The following PKHD1 variants were observed in gnomAD, a reference collection of about 807,000 sequenced individuals.
PKHD1 encodes fibrocystin.
Under a neutral mutation model 412.0 loss-of-function variants are expected in PKHD1, and 291 were observed. That is an observed-to-expected ratio of 0.71 (90% CI 0.64 to 0.78). The LOEUF (loss-of-function observed/expected upper bound fraction) is 0.78. PKHD1 is among the 30% of genes least tolerant of loss of function. PKHD1 has a pLI of 0.00. For missense variants in PKHD1, 4,825 were observed against 4,950.7 expected, an observed-to-expected ratio of 0.97 and a Z score of 0.76; for synonymous variants, 1,777 against 1,821.5, an observed-to-expected ratio of 0.98 and a Z score of 0.62.
intron 6 of PKHD1, 124 bp from the exon 7 acceptor site, chr6:52,073,665 T>C (rs1020925636): frequency 2.9e-6 from 2 of 685,776 alleles, no homozygotes; most frequent in Non-Finnish European, 5.3e-6. Context: ...CCCAGAAAAT[T>C]AATACTTTTA....
chr6:51,887,236 C>T lies in PKHD1; in HGVS notation c.7006G>A (p.Val2336Met). The stretch of plus-strand genomic sequence containing the variant: ...AAGTAGCCATAGCCAGCACCACACA[C>T]TCTGTTCCCCTACAGAAATTAAGAA... ...SPTNVIEGNR[V>M]CGAGYGYFFH... Residue 2336 changes from valine (V) to methionine (M), a missense_variant, in exon 44 of 67, where the codon GTG (valine) becomes ATG (methionine). Coordinates refer to ENST00000371117, the MANE Select transcript of PKHD1 (RefSeq NM_138694.4). 6.2e-7 allele frequency: 1 copy of T among 1,600,410 alleles called. No individual in the cohort carries two copies. The highest frequency in any genetic ancestry group is 8.6e-7 in the Non-Finnish European group (1 of 1,167,536).
intron 60 of PKHD1, chr6:51,721,728 AC>A (rs1781948172): frequency 7.3e-7 from 1 of 1,363,096 alleles, no homozygotes; most frequent in African/African-American, 1.5e-5. Flanking sequence ...CACTGTTGAC[AC>A]CCTCTCCACA....
chr6:51,899,036 C>CA (rs1780710069), intron 43 of PKHD1, among the ~76,000 whole-genome samples: 1 of 152,146 alleles, frequency 6.6e-6, no homozygotes, highest in Non-Finnish European at 1.5e-5. Context: ...AGCTTACCAA[C>CA]CAAAAAGAGT....
chr6:51,724,523 G>T (rs1782322889), intron 60 of PKHD1, among the ~76,000 whole-genome samples: 1 of 152,086 alleles, frequency 6.6e-6, no homozygotes, highest in Non-Finnish European at 1.5e-5. Context: ...TCAGTAGACT[G>T]GAGCCTTCAG....
intron 60 of PKHD1, among the ~76,000 whole-genome samples, chr6:51,663,487 C>T (rs915830241): frequency 3.3e-5 from 5 of 152,082 alleles, no homozygotes; most frequent in African/African-American, 9.7e-5. Context: ...AATCACATGA[C>T]GTTAGTAGGC....
intron 33 of PKHD1, among the ~76,000 whole-genome samples, chr6:52,021,415 G>T (rs143045276): frequency 6.6e-6 from 1 of 152,110 alleles, no homozygotes; most frequent in Non-Finnish European, 1.5e-5. Context: ...ATTAATTTGA[G>T]CAGTGTATAT....
At chr6:51,964,408 C>T (rs1562002289) in intron 35 of PKHD1, among the ~76,000 whole-genome samples, 1 of 152,108 alleles carries the variant, frequency 6.6e-6, no homozygotes, top group East Asian at 1.9e-4. Context: ...CCTCAGCATC[C>T]AAATCCTGGA....
intron 53 of PKHD1, among the ~76,000 whole-genome samples, chr6:51,786,764 T>C (rs1025794364): frequency 6.6e-6 from 1 of 152,214 alleles, no homozygotes; most frequent in Non-Finnish European, 1.5e-5. Context: ...TTCAGGTTCA[T>C]GATTTCTGTT....
chr6:51,631,579 A>T (rs1375377451), intron 65 of PKHD1, among the ~76,000 whole-genome samples: 4 of 151,404 alleles, frequency 2.6e-5, no homozygotes, highest in African/African-American at 9.7e-5. Flanking sequence ...TTTAAACTTC[A>T]CTCTTGCTTT....
At position 51,772,683 on chromosome 6, in the gene PKHD1, A is replaced by C. The variant is rs1271940495; in HGVS notation, c.8642+19T>G. The C allele has an allele frequency of 3.8e-6, 5 of 1,326,998 alleles. No homozygotes were observed. The Admixed American group carries it at 8.6e-5, about 23-fold the overall frequency. The allele number at this position is 1,326,998 out of a possible 1,614,324, so 82.2% of individuals were successfully genotyped here. On this transcript the variant is annotated intron_variant, in intron 55 of 66. Transcript: ENST00000371117. Reference sequence around the variant, plus strand: ...AAACAACAACCAAGAAAAAGCCCTAAGTTACTCTCATTCCTTACCTCTCAT... The same window carrying C: ...AAACAACAACCAAGAAAAAGCCCTACGTTACTCTCATTCCTTACCTCTCAT...
rs77638522 is a variant in PKHD1 at position 52,048,439 on chromosome 6, T to C, written c.2407+53A>G. The C allele has an allele frequency of 2.1e-3, 3,271 of 1,568,332 alleles. 47 individuals carry two copies. The African/African-American group carries it at 0.036, about 17-fold the overall frequency. ...TCCCAGGATGTTGTTCCCTTGGGAATGTGAGTGAGAATATGTGAGTGAGAA... is the reference window on the plus strand; with the variant it reads ...TCCCAGGATGTTGTTCCCTTGGGAACGTGAGTGAGAATATGTGAGTGAGAA... On this transcript the variant is annotated intron_variant, in intron 23 of 66. Coordinates refer to ENST00000371117, the MANE Select transcript of PKHD1 (RefSeq NM_138694.4).
intron 54 of PKHD1, among the ~76,000 whole-genome samples, chr6:51,774,089 C>A (rs1160544941): frequency 1.3e-5 from 2 of 151,842 alleles, no homozygotes; most frequent in African/African-American, 4.8e-5. Context: ...TCAACCAAAG[C>A]ATTTATAACA....
intron 60 of PKHD1, among the ~76,000 whole-genome samples, chr6:51,691,231 T>C (rs1778117859): frequency 6.6e-6 from 1 of 152,140 alleles, no homozygotes. Flanking sequence ...GTCCAGCCAT[T>C]GTGGAAGACA....
At chr6:51,989,861 G>T (rs1796662191) in intron 35 of PKHD1, among the ~76,000 whole-genome samples, 1 of 86,190 alleles carries the variant, frequency 1.2e-5, no homozygotes, top group Non-Finnish European at 2.4e-5. Flanking sequence ...GGGATAGGGG[G>T]AGGGAGGAAA....
At chr6:51,935,145 C>T (rs893333147) in intron 36 of PKHD1, among the ~76,000 whole-genome samples, 54 of 152,146 alleles carry the variant, frequency 3.5e-4, no homozygotes, top group African/African-American at 1.3e-3. Context: ...TTACCCAATA[C>T]CTTCCCAATA....
chr6:51,869,171 T>G (rs1040069592), intron 47 of PKHD1, among the ~76,000 whole-genome samples: 1 of 152,154 alleles, frequency 6.6e-6, no homozygotes, highest in Non-Finnish European at 1.5e-5. Context: ...ACAAACCACC[T>G]GCAGCTCTAC....
chr6:51,908,418 A>G (rs374172759), intron 40 of PKHD1, among the ~76,000 whole-genome samples: 2 of 152,156 alleles, frequency 1.3e-5, no homozygotes, highest in Non-Finnish European at 2.9e-5. Flanking sequence ...CCTGGGGCAC[A>G]GCCTCTTTAA....
Position 51,829,061 on chromosome 6 carries a change from A to G in PKHD1, c.8302+1800T>C, listed in dbSNP as rs79423698. 1.2e-3 allele frequency among the ~76,000 whole-genome samples: 183 copies of G among 152,274 alleles called. 4 individuals are homozygous for G. The East Asian group carries it at 0.035, about 29-fold the overall frequency. ...TGAAGGCTAGAAATAATGAAAAATA[A>G]CTGTGTATGTTTTAAAATTCTTAAC... On this transcript the variant is annotated intron_variant, in intron 52 of 66. Transcript: ENST00000371117.
At chr6:51,816,849 CG>C (rs1163775113) in intron 52 of PKHD1, among the ~76,000 whole-genome samples, 2 of 152,204 alleles carry the variant, frequency 1.3e-5, no homozygotes, top group Admixed American at 1.3e-4. Flanking sequence ...AATTTGCAAA[CG>C]GTTCTTTGCT....
Sources: allele counts gnomAD v4.1 joint callset (sites outside exome capture counted in the v4.1 genomes callset), GRCh38; gene constraint gnomAD v4.1.1; transcripts MANE v1.5; gene names NCBI Gene and HGNC (gene_info 2026-07-23, HGNC 2026-07-21).